Variants in MTG1 observed in about 807,000 individuals in gnomAD.
MTG1 encodes mitochondrial ribosome-associated GTPase 1.
A neutral mutation model predicts 39.5 loss-of-function variants in MTG1; 30 were observed. That is an observed-to-expected ratio of 0.76 (90% CI 0.57 to 1.03). MTG1 has a LOEUF of 1.03. MTG1 is among the 50% of genes least tolerant of loss of function. The pLI, the probability that MTG1 is intolerant of heterozygous loss-of-function variation, is 0.00. For synonymous variants in MTG1, 217 were observed against 179.0 expected (o/e 1.21, Z -1.69); for missense variants, 513 against 447.4 (o/e 1.15, Z -1.32).
At chr10:133,417,427 A>C (rs1404610934) in intron 9 of MTG1, among the ~76,000 whole-genome samples, 3 of 149,696 alleles carry the variant, frequency 2.0e-5, no homozygotes, top group Non-Finnish European at 4.5e-5. Flanking sequence ...TATCATACTG[A>C]ATGGGCAAAA....
chr10:133,396,184 CCT>C lies in MTG1; in HGVS notation c.202_203del (p.Leu68ValfsTer8), dbSNP rs1371425673. 2 of 1,614,016 alleles carry C rather than the reference CCT, an allele frequency of 1.2e-6. No homozygotes were observed. The highest frequency in any genetic ancestry group is 2.2e-5 in the East Asian group (1 of 44,894). ...DARIPLSGRN[P>X]LFQETLGLKP... Reference sequence around the variant, plus strand: ...CCACATCCCACTTTCAGGCCGCAACCCTCTGTTTCAGGAAACCCTTGGGCTTA... The same window carrying C: ...CCACATCCCACTTTCAGGCCGCAACCCTGTTTCAGGAAACCCTTGGGCTTA... On this transcript the variant is annotated frameshift_variant, in exon 3 of 11. Transcript: ENST00000317502. LOFTEE classifies it high-confidence loss of function.
At position 133,394,785 on chromosome 10, in the gene MTG1, C is replaced by A. The variant is rs917689821; in HGVS notation, c.112+453C>A. On this transcript the variant is annotated intron_variant, in intron 1 of 10. Transcript: ENST00000317502. Reference sequence around the variant, plus strand: ...TATCTTGAGTCGTTCTCCTGCTTAACGTCTTTGGTAATTCTTACTGTTTGT... The same window carrying A: ...TATCTTGAGTCGTTCTCCTGCTTAAAGTCTTTGGTAATTCTTACTGTTTGT... 1.9e-5 allele frequency: 18 copies of A among 964,270 alleles called. No homozygotes were observed. The East Asian group carries it at 1.9e-3, about 103-fold the overall frequency. The allele number at this position is 964,270 out of a possible 1,614,324, so 59.7% of individuals were successfully genotyped here. A position where few individuals can be genotyped will look rare whatever the true frequency, so the allele number is the denominator to read the frequency against.
chr10:133,395,615 T>G, intron 1 of MTG1, 98 bp from the exon 2 acceptor site: 1 of 1,124,692 alleles, frequency 8.9e-7, no homozygotes, highest in Non-Finnish European at 1.3e-6. Context: ...TCTTTTTAGG[T>G]TATTTATGGT....
intron 9 of MTG1, among the ~76,000 whole-genome samples, chr10:133,413,395 T>G (rs916912522): frequency 6.6e-6 from 1 of 152,044 alleles, no homozygotes; most frequent in African/African-American, 2.4e-5. Flanking sequence ...ATTACAGGTG[T>G]GAGCCACTGC....
intron 10 of MTG1, among the ~76,000 whole-genome samples, 162 bp from the exon 11 acceptor site, chr10:133,419,864 G>A (rs1850200589): frequency 6.6e-6 from 1 of 152,114 alleles, no homozygotes; most frequent in Non-Finnish European, 1.5e-5. Flanking sequence ...TGGAGGCTCC[G>A]GGCAGCGTAG....
chr10:133,408,193 G>T (rs1212497519), intron 9 of MTG1, among the ~76,000 whole-genome samples: 1 of 152,182 alleles, frequency 6.6e-6, no homozygotes, highest in Non-Finnish European at 1.5e-5. Context: ...ACTGTTGGCT[G>T]TGGGCTTGTC....
At chr10:133,395,343 C>G (rs1055896248) in intron 1 of MTG1, among the ~76,000 whole-genome samples, 6 of 152,130 alleles carry the variant, frequency 3.9e-5, no homozygotes, top group African/African-American at 9.7e-5. Context: ...TGCAGTGAGC[C>G]GAGATCGTGC....
At chr10:133,395,658 G>C (rs1017751656) in intron 1 of MTG1, 55 bp from the exon 2 acceptor site, 6 of 1,557,892 alleles carry the variant, frequency 3.9e-6, no homozygotes, top group Non-Finnish European at 5.3e-6. Context: ...AGCTTGAATC[G>C]ATCACTCTAG....
chr10:133,416,700 A>G (rs1222861772), intron 9 of MTG1, among the ~76,000 whole-genome samples: 2 of 145,586 alleles, frequency 1.4e-5, no homozygotes, highest in African/African-American at 2.5e-5. Context: ...GATGATTTCC[A>G]ATTTCATCCA....
At chr10:133,396,836 CAG>C (rs1849790186) in intron 3 of MTG1, among the ~76,000 whole-genome samples, 1 of 152,200 alleles carries the variant, frequency 6.6e-6, no homozygotes, top group South Asian at 2.1e-4. Flanking sequence ...TATGCCCAGA[CAG>C]GGCCACCAGA....
Position 133,421,580 on chromosome 10 carries a change from G to C in MTG1, c.*1415G>C, listed in dbSNP as rs1850236563. On this transcript the variant is annotated 3_prime_UTR_variant, in exon 11 of 11. Coordinates refer to ENST00000317502, the MANE Select transcript of MTG1 (RefSeq NM_138384.4). ...GGAGGCGTTGAGCTTGGTCTGGAAG[G>C]GGTGGAGGAGCGTCTGGGCTCACTG... 1.3e-5 allele frequency: 2 copies of C among 153,662 alleles called. No homozygotes were observed. Among genetic ancestry groups the C allele is most frequent in the African/African-American group, 4.8e-5 (2 of 41,462 alleles). The allele number at this position is 153,662 out of a possible 1,614,324, so 9.5% of individuals were successfully genotyped here. A position where few individuals can be genotyped will look rare whatever the true frequency, so the allele number is the denominator to read the frequency against.
intron 1 of MTG1, 95 bp downstream of exon 1, chr10:133,394,427 G>A: frequency 7.5e-7 from 1 of 1,333,658 alleles, no homozygotes. Flanking sequence ...GCTTCTCCCG[G>A]TCGTTCTGGG....
At position 133,402,756 on chromosome 10, in the gene MTG1, C is replaced by A. The variant is rs758424193; in HGVS notation, c.735C>A (p.Asn245Lys). The A allele has an allele frequency of 4.4e-5, 71 of 1,606,184 alleles. No individual in the cohort carries two copies. The highest frequency in any genetic ancestry group is 5.9e-5 in the Non-Finnish European group (69 of 1,176,708). ...CTGACTACCTGCTGTACACCCTCAACAAACACCAGCGCTTTGGGTGAGTGC... is the reference window on the plus strand; with the variant it reads ...CTGACTACCTGCTGTACACCCTCAAAAAACACCAGCGCTTTGGGTGAGTGC... ...TMADYLLYTLNKHQRFGYVQH... is the reference protein window; with the variant it reads ...TMADYLLYTLKKHQRFGYVQH... The change falls in exon 9 of 11, where the codon AAC becomes AAA. Residue 245 changes from asparagine to lysine, a missense_variant. Coordinates refer to ENST00000317502, the MANE Select transcript of MTG1 (RefSeq NM_138384.4). This position sits in a 1 kb window ranked among gnomAD's most constrained non-coding sequence, Gnocchi z 4.7.
At chr10:133,408,791 A>T (rs1589915430) in intron 9 of MTG1, among the ~76,000 whole-genome samples, 4 of 152,216 alleles carry the variant, frequency 2.6e-5, no homozygotes, top group Admixed American at 6.5e-5. Context: ...GTTTGTATCC[A>T]GGAATTCATC....
rs1160885966 is a variant in MTG1, at chr10:133,402,144, C to T, written c.574-5C>T. 3 of 1,613,942 alleles carry T rather than the reference C, an allele frequency of 1.9e-6. No homozygotes were observed. In the East Asian group the frequency reaches 6.7e-5, roughly 36 times the overall value. ...GGCCTGATCATGCCCTCTGTGCCCA[C>T]ACAGGTCTCTGAGCGGCCCCTGATG... On this transcript the variant is annotated splice_region_variant and splice_polypyrimidine_tract_variant and intron_variant, in intron 7 of 10. Coordinates refer to ENST00000317502, the MANE Select transcript of MTG1 (RefSeq NM_138384.4). The surrounding 1 kb of genome is among the most constrained non-coding windows in gnomAD (Gnocchi z 4.7).
At chr10:133,419,620 G>A (rs768482844) in intron 10 of MTG1, 28 bp downstream of exon 10, 6 of 1,551,672 alleles carry the variant, frequency 3.9e-6, no homozygotes, top group South Asian at 2.3e-5. Context: ...TGCGGGCACC[G>A]GAGCCTCACC....
At chr10:133,395,876 C>A in intron 2 of MTG1, 99 bp downstream of exon 2, 1 of 1,213,678 alleles carries the variant, frequency 8.2e-7, no homozygotes, top group Non-Finnish European at 1.2e-6. Context: ...TGCGAGGCCC[C>A]TTTCTAGACC....
intron 3 of MTG1, 89 bp from the exon 4 acceptor site, chr10:133,398,346 G>T (rs1366106132): frequency 2.3e-6 from 3 of 1,303,934 alleles, no homozygotes; most frequent in Non-Finnish European, 3.2e-6. Context: ...GTTGCAGGGA[G>T]CCGAGATTGT....
chr10:133,401,001 G>T (rs973858960), intron 6 of MTG1, among the ~76,000 whole-genome samples: 2 of 152,230 alleles, frequency 1.3e-5, no homozygotes, highest in Non-Finnish European at 1.5e-5. Context: ...ATGGACACTT[G>T]TGTTTTTTAT....
Sources: allele counts gnomAD v4.1 joint callset (sites outside exome capture counted in the v4.1 genomes callset), GRCh38; gene constraint gnomAD v4.1.1; non-coding constraint Gnocchi (gnomAD v3.1); transcripts MANE v1.5; gene names NCBI Gene and HGNC (gene_info 2026-07-23, HGNC 2026-07-21).